CDH9: variants seen among roughly 807,000 people sequenced by gnomAD.
CDH9 encodes cadherin 9, also known as cadherin-9.
Under a neutral mutation model 70.9 loss-of-function variants are expected in CDH9, and 28 were observed. That is an observed-to-expected ratio of 0.40 (90% CI 0.29 to 0.54). The LOEUF is 0.54. CDH9 is among the 20% of genes least tolerant of loss of function. The pLI, the probability that CDH9 is intolerant of heterozygous loss-of-function variation, is 0.59. For synonymous variants in CDH9, 409 were observed against 343.1 expected, an observed-to-expected ratio of 1.19 and a Z score of -2.12; for missense variants, 874 against 984.4, an observed-to-expected ratio of 0.89 and a Z score of 1.50.
At chr5:26,987,579 C>A (rs1742509443) in intron 2 of CDH9, among the ~76,000 whole-genome samples, 1 of 151,992 alleles carries the variant, frequency 6.6e-6, no homozygotes, top group Admixed American at 6.6e-5. Context: ...TGGTAATGAG[C>A]AACTTTGTTC....
chr5:26,896,899 T>C (rs1477296823), intron 7 of CDH9, among the ~76,000 whole-genome samples: 1 of 151,156 alleles, frequency 6.6e-6, no homozygotes, highest in Non-Finnish European at 1.5e-5. Context: ...TTTGAAAAGA[T>C]TAAGAAATAG....
rs556540640 is a variant in CDH9 at position 27,007,002 on chromosome 5, T to A, written c.-49-18620A>T. Among the ~76,000 whole-genome samples, 7 of 152,198 alleles carry A rather than the reference T, an allele frequency of 4.6e-5. No homozygotes were observed. The East Asian group carries it at 1.2e-3, about 25-fold the overall frequency. ...AAGTCATTTATTGAATAATATTTAA[T>A]CTACTGAGAAAATGAAAGAAAAACT... On this transcript the variant is annotated intron_variant, in intron 1 of 11. Transcript: ENST00000231021.
chr5:26,931,795 C>T (rs1579458876), intron 2 of CDH9, among the ~76,000 whole-genome samples: 1 of 152,010 alleles, frequency 6.6e-6, no homozygotes, highest in East Asian at 1.9e-4. Context: ...GAAGTGCAGT[C>T]AACCCAGACA....
At chr5:26,945,352 T>C (rs1741734509) in intron 2 of CDH9, among the ~76,000 whole-genome samples, 1 of 152,116 alleles carries the variant, frequency 6.6e-6, no homozygotes, top group Non-Finnish European at 1.5e-5. Flanking sequence ...ATGCATATCA[T>C]TTATTGCATG....
intron 1 of CDH9, among the ~76,000 whole-genome samples, chr5:26,999,126 T>C (rs1278991896): frequency 6.6e-6 from 1 of 151,926 alleles, no homozygotes; most frequent in Non-Finnish European, 1.5e-5. Flanking sequence ...GCACCTGTGG[T>C]CCCAGCTACT....
intron 2 of CDH9, among the ~76,000 whole-genome samples, chr5:26,975,683 CCAAA>C (rs541588442): frequency 1.2e-3 from 178 of 152,106 alleles, no homozygotes; most frequent in African/African-American, 4.1e-3. Context: ...AAAGTCTGAC[CCAAA>C]CAAACAAATA....
At chr5:26,993,698 CAAAAAAAAAAA>C (rs34545141) in intron 1 of CDH9, among the ~76,000 whole-genome samples, 5 of 51,006 alleles carry the variant, frequency 9.8e-5, no homozygotes, top group East Asian at 8.5e-4. Flanking sequence ...TATTCAGCTG[CAAAAAAAAAAA>C]AAAAAAAAAA....
At chr5:26,959,903 G>T (rs1410819501) in intron 2 of CDH9, among the ~76,000 whole-genome samples, 1 of 151,660 alleles carries the variant, frequency 6.6e-6, no homozygotes, top group African/African-American at 2.4e-5. Flanking sequence ...TGTGTATAGG[G>T]TTTCTTTTGG....
intron 2 of CDH9, among the ~76,000 whole-genome samples, chr5:26,984,224 A>C (rs1364827626): frequency 6.6e-6 from 1 of 152,194 alleles, no homozygotes; most frequent in African/African-American, 2.4e-5. Context: ...AAGATACCTT[A>C]TTTAATAGTG....
intron 2 of CDH9, among the ~76,000 whole-genome samples, chr5:26,961,632 T>A (rs761217181): frequency 1.3e-5 from 2 of 152,154 alleles, no homozygotes; most frequent in Non-Finnish European, 2.9e-5. Context: ...CCAAATATTT[T>A]AATTTAAAAA....
intron 1 of CDH9, among the ~76,000 whole-genome samples, chr5:27,013,648 G>A (rs1032053300): frequency 6.6e-6 from 1 of 151,906 alleles, no homozygotes. Flanking sequence ...ATGAAGACAA[G>A]AATCCACCTC....
At chr5:26,954,388 C>CTCTTTTTTT (rs1554000194) in intron 2 of CDH9, among the ~76,000 whole-genome samples, 1 of 93,066 alleles carries the variant, frequency 1.1e-5, no homozygotes, top group Non-Finnish European at 1.9e-5. Flanking sequence ...TACAGCCTTT[C>CTCTTTTTTT]TTTTTTTTTT....
At chr5:26,893,274 T>G (rs1302036687) in intron 7 of CDH9, among the ~76,000 whole-genome samples, 1 of 152,178 alleles carries the variant, frequency 6.6e-6, no homozygotes, top group Non-Finnish European at 1.5e-5. Context: ...TGCTGAGTCA[T>G]AGATACTGCT....
Position 27,015,190 on chromosome 5 carries a change from T to C in CDH9, c.-50+23273A>G, listed in dbSNP as rs1474360415. Among the ~76,000 whole-genome samples, 9 of 151,858 alleles carry C rather than the reference T, an allele frequency of 5.9e-5. No homozygotes were observed. In the East Asian group the frequency reaches 1.2e-3, roughly 20 times the overall value. ...AATTAATAGAGGCCTGACTGCAATA[T>C]TCCTGTTACAAAATCACGGAATTCT... On this transcript the variant is annotated intron_variant, in intron 1 of 11. Transcript: ENST00000231021.
chr5:26,952,048 T>C (rs1213022306), intron 2 of CDH9, among the ~76,000 whole-genome samples: 1 of 144,526 alleles, frequency 6.9e-6, no homozygotes, highest in Non-Finnish European at 1.5e-5. Context: ...TGGCGCGATG[T>C]TGGCTCACTG....
chr5:26,923,712 T>G (rs532913512), intron 2 of CDH9, among the ~76,000 whole-genome samples: 1 of 152,086 alleles, frequency 6.6e-6, no homozygotes, highest in Non-Finnish European at 1.5e-5. Flanking sequence ...ATATCAAGCA[T>G]GTTCTCTGAC....
chr5:26,932,625 C>T (rs1219752917), intron 2 of CDH9, among the ~76,000 whole-genome samples: 3 of 152,042 alleles, frequency 2.0e-5, no homozygotes, highest in South Asian at 4.1e-4. Flanking sequence ...GTCTTTATCT[C>T]TTTAATCTAT....
intron 2 of CDH9, among the ~76,000 whole-genome samples, chr5:26,954,411 G>A (rs1741906012): frequency 3.3e-4 from 1 of 3,008 alleles, no homozygotes; most frequent in Non-Finnish European, 1.1e-3. Flanking sequence ...TTGAGACATA[G>A]TCTCGCTCTG....
At chr5:26,960,316 T>C (rs1048771035) in intron 2 of CDH9, among the ~76,000 whole-genome samples, 3 of 152,002 alleles carry the variant, frequency 2.0e-5, no homozygotes, top group African/African-American at 7.2e-5. Context: ...ATTAAATGCG[T>C]AGATAAAATC....
Sources: gnomAD v4.1 joint callset for allele counts (sites outside exome capture counted in the v4.1 genomes callset) on GRCh38, gnomAD v4.1.1 for gene constraint, MANE v1.5 for transcripts, NCBI Gene and HGNC (gene_info 2026-07-23, HGNC 2026-07-21) for gene names.